Variants in IGSF21 observed in about 807,000 individuals in gnomAD.
IGSF21 encodes the protein immunoglobin superfamily member 21.
In IGSF21, 28 loss-of-function variants were observed where a neutral mutation model predicts 46.8. That is an observed-to-expected ratio of 0.60 (90% CI 0.44 to 0.82). The LOEUF is 0.82. IGSF21 is among the 40% of genes least tolerant of loss of function. The probability of loss-of-function intolerance (pLI) is 0.00; values close to 1 mark genes in which losing one functional copy is unlikely to be tolerated. For missense variants in IGSF21, 624 were observed against 665.5 expected (o/e 0.94, Z 0.69); for synonymous variants, 284 against 273.6 (o/e 1.04, Z -0.38).
Position 18,176,862 on chromosome 1 carries a change from A to C in IGSF21, c.71-51036A>C, listed in dbSNP as rs74729525. ...GGGGCTACCCTGGGGCTTTAAGGACAACAGGCCAGCTGTGACTTTAGCAGT... is the reference window on the plus strand; with the variant it reads ...GGGGCTACCCTGGGGCTTTAAGGACCACAGGCCAGCTGTGACTTTAGCAGT... On this transcript the variant is annotated intron_variant, in intron 1 of 9. Coordinates refer to ENST00000251296, the MANE Select transcript of IGSF21 (RefSeq NM_032880.5). 4.6e-3 allele frequency among the ~76,000 whole-genome samples: 704 copies of C among 152,344 alleles called. 4 individuals are homozygous for C. Among genetic ancestry groups the C allele is most frequent in the African/African-American group, 0.016 (667 of 41,582 alleles).
chr1:18,221,610 C>T (rs1050730042), intron 1 of IGSF21, among the ~76,000 whole-genome samples: 1 of 152,140 alleles, frequency 6.6e-6, no homozygotes, highest in African/African-American at 2.4e-5. Context: ...TGTATCTGAA[C>T]AGGAGTGGTG....
chr1:18,293,534 C>T (rs2085286933), intron 3 of IGSF21, among the ~76,000 whole-genome samples: 1 of 152,186 alleles, frequency 6.6e-6, no homozygotes, highest in Admixed American at 6.5e-5. Flanking sequence ...GCCGCACAAA[C>T]TCCTTCATCC....
intron 1 of IGSF21, among the ~76,000 whole-genome samples, chr1:18,134,452 A>G (rs1468489524): frequency 5.9e-5 from 9 of 152,054 alleles, no homozygotes; most frequent in Admixed American, 5.9e-4. Flanking sequence ...ACCAGCTTTG[A>G]TGCCAGCTCA....
At chr1:18,159,294 G>T (rs988217743) in intron 1 of IGSF21, among the ~76,000 whole-genome samples, 1 of 152,186 alleles carries the variant, frequency 6.6e-6, no homozygotes, top group African/African-American at 2.4e-5. Flanking sequence ...AGGCAATAGG[G>T]AGCCATGGAG....
chr1:18,150,412 G>C (rs1206428512), intron 1 of IGSF21, among the ~76,000 whole-genome samples: 1 of 152,128 alleles, frequency 6.6e-6, no homozygotes. Flanking sequence ...GCATGGCGGG[G>C]GGGGTCTCAG....
intron 6 of IGSF21, among the ~76,000 whole-genome samples, chr1:18,367,424 G>A (rs1204131814): frequency 3.3e-5 from 5 of 152,016 alleles, no homozygotes; most frequent in South Asian, 4.1e-4. Context: ...ACTTTGCCAA[G>A]TCGTTAACTT....
intron 2 of IGSF21, among the ~76,000 whole-genome samples, chr1:18,288,903 C>T (rs546581193): frequency 1.3e-5 from 2 of 152,274 alleles, no homozygotes; most frequent in Admixed American, 1.3e-4. Context: ...ACAGTGAGGC[C>T]CTGACACAGC....
intron 1 of IGSF21, among the ~76,000 whole-genome samples, chr1:18,124,228 C>T (rs2086257472): frequency 6.6e-6 from 1 of 152,216 alleles, no homozygotes; most frequent in African/African-American, 2.4e-5. Flanking sequence ...ACCTCCTCGT[C>T]CTCACCTGCA....
intron 2 of IGSF21, among the ~76,000 whole-genome samples, chr1:18,255,925 C>A (rs573554532): frequency 8.7e-4 from 132 of 152,330 alleles, no homozygotes; most frequent in Middle Eastern, 6.8e-3. Flanking sequence ...CTAGAGGGAA[C>A]TTTCAAGATG....
intron 3 of IGSF21, among the ~76,000 whole-genome samples, chr1:18,320,031 A>G (rs1009510172): frequency 1.3e-5 from 2 of 152,228 alleles, no homozygotes; most frequent in Admixed American, 6.5e-5. Context: ...TGTTGGATGC[A>G]TGAATGACCA....
At chr1:18,199,798 A>G (rs1041488964) in intron 1 of IGSF21, among the ~76,000 whole-genome samples, 1 of 152,074 alleles carries the variant, frequency 6.6e-6, no homozygotes, top group African/African-American at 2.4e-5. Context: ...ATGTTAACAA[A>G]TGGGCAAAGT....
intron 2 of IGSF21, among the ~76,000 whole-genome samples, chr1:18,244,038 G>T (rs183382946): frequency 1.6e-4 from 25 of 152,320 alleles, no homozygotes; most frequent in Admixed American, 1.4e-3. Context: ...TCCAGATGGC[G>T]CTTGTTATCT....
chr1:18,160,995 GT>G (rs2086615634), intron 1 of IGSF21, among the ~76,000 whole-genome samples: 1 of 152,132 alleles, frequency 6.6e-6, no homozygotes, highest in South Asian at 2.1e-4. Flanking sequence ...GTCATTATGG[GT>G]GCAGGGGACC....
At chr1:18,112,121 G>A (rs1340423356) in intron 1 of IGSF21, 2 of 152,234 alleles carry the variant, frequency 1.3e-5, no homozygotes, top group Admixed American at 1.3e-4. Context: ...ACAAAATAGA[G>A]GCTGTTTAGT....
At chr1:18,120,411 T>C (rs1230492634) in intron 1 of IGSF21, among the ~76,000 whole-genome samples, 1 of 152,112 alleles carries the variant, frequency 6.6e-6, no homozygotes, top group Admixed American at 6.5e-5. Flanking sequence ...CACCCATTGA[T>C]CAAACCCTAT....
chr1:18,142,722 A>T (rs573842506), intron 1 of IGSF21, among the ~76,000 whole-genome samples: 5 of 152,168 alleles, frequency 3.3e-5, no homozygotes, highest in Non-Finnish European at 7.4e-5. Context: ...CCTTGTTTGC[A>T]TATATGCAAA....
intron 2 of IGSF21, among the ~76,000 whole-genome samples, chr1:18,236,955 A>G (rs11260963): frequency 0.57 from 86,524 of 152,110 alleles, 25,171 homozygotes; most frequent in Non-Finnish European, 0.63. Context: ...CATTGAGATC[A>G]GCAGTAACAT....
At chr1:18,230,308 C>T (rs376303829) in intron 2 of IGSF21, among the ~76,000 whole-genome samples, 2 of 152,134 alleles carry the variant, frequency 1.3e-5, no homozygotes, top group South Asian at 2.1e-4. Context: ...CTCTCTCCCC[C>T]ACTCTTGCTG....
chr1:18,143,699 G>A (rs993654996), intron 1 of IGSF21, among the ~76,000 whole-genome samples: 4 of 152,164 alleles, frequency 2.6e-5, no homozygotes, highest in South Asian at 2.1e-4. Flanking sequence ...CCTGGATTTC[G>A]TGTCTTTCAG....
Sources: gnomAD v4.1 joint callset for allele counts (sites outside exome capture counted in the v4.1 genomes callset) on GRCh38, gnomAD v4.1.1 for gene constraint, MANE v1.5 for transcripts, NCBI Gene and HGNC (gene_info 2026-07-23, HGNC 2026-07-21) for gene names.